GLS: variants seen among roughly 807,000 people sequenced by gnomAD.
GLS encodes the protein glutaminase kidney isoform, mitochondrial.
Under a neutral mutation model 86.7 loss-of-function variants are expected in GLS, and 36 were observed. That is an observed-to-expected ratio of 0.42 (90% CI 0.32 to 0.55). The LOEUF is 0.55. Ranked by LOEUF, GLS falls within the 20% of genes least tolerant of loss-of-function variation. The probability of loss-of-function intolerance (pLI) is 0.17; values close to 1 mark genes in which losing one functional copy is unlikely to be tolerated. For missense variants in GLS, 528 were observed against 833.4 expected, an observed-to-expected ratio of 0.63 and a Z score of 4.51; for synonymous variants, 317 against 305.9, an observed-to-expected ratio of 1.04 and a Z score of -0.38.
chr2:190,892,138 A>G (rs1688584850), intron 1 of GLS, among the ~76,000 whole-genome samples: 1 of 152,184 alleles, frequency 6.6e-6, no homozygotes, highest in Non-Finnish European at 1.5e-5. Flanking sequence ...CATACATGGC[A>G]TGGGATTTTT....
rs780199479 is a variant in GLS, at chr2:190,921,041, T to A, written c.1056T>A (p.Ala352=). The part of the protein sequence containing the change: ...TSLIKQGVNN[A]EKFDYVMQFL... ...TTTTGCAGCAAGGAGTAAATAATGC[T>A]GAAAAATTTGACTATGTAAGTGCAA... Residue 352 remains alanine, a synonymous_variant, in exon 8 of 18, where the codon GCT becomes GCA. Transcript: ENST00000320717. The surrounding 1 kb of genome is among the most constrained non-coding windows in gnomAD (Gnocchi z 4.2). 4 of 1,574,154 alleles carry A rather than the reference T, an allele frequency of 2.5e-6. No homozygotes were observed. The highest frequency in any genetic ancestry group is 3.5e-6 in the Non-Finnish European group (4 of 1,144,732).
In GLS at chr2:190,935,473, A is replaced by AT. The variant is rs1047978548; in HGVS notation, c.1650+3842dup. 1.3e-4 allele frequency among the ~76,000 whole-genome samples: 20 copies of AT among 151,394 alleles called. No individual in the cohort carries two copies. The highest frequency in any genetic ancestry group is 4.8e-4 in the African/African-American group (20 of 41,498). ...GAAATATTCAAAAGGGCTTTATTTG[A>AT]TTTTTTAAAATGCAATATAGCATTA... On this transcript the variant is annotated intron_variant, in intron 14 of 17. Transcript: ENST00000320717. This position sits in a 1 kb window ranked among gnomAD's most constrained non-coding sequence, Gnocchi z 4.2.
Position 190,953,844 on chromosome 2 carries a change from C to T in GLS, c.1712+218C>T, listed in dbSNP as rs918372148. Among the ~76,000 whole-genome samples, 1 of 152,080 alleles carries T rather than the reference C, an allele frequency of 6.6e-6. No homozygotes were observed. The highest frequency in any genetic ancestry group is 1.5e-5 in the Non-Finnish European group (1 of 68,020). ...TAAAAAAGACCATATCTCTGTTTCC[C>T]CAAGTAGTAACTGTTCAGCTAATCT... On this transcript the variant is annotated intron_variant, in intron 15 of 17. Transcript: ENST00000320717. The surrounding 1 kb of genome is among the most constrained non-coding windows in gnomAD (Gnocchi z 4.0).
Position 190,963,115 on chromosome 2 carries a change from T to C in GLS, c.*129T>C. The stretch of plus-strand genomic sequence containing the variant: ...TGTCATTTCAGTGTTACTGGAGTTT[T>C]CTTCATTGTGCACACAGGACAAATC... On this transcript the variant is annotated 3_prime_UTR_variant, in exon 18 of 18. Coordinates refer to ENST00000320717, the MANE Select transcript of GLS (RefSeq NM_014905.5). The C allele has an allele frequency of 1.5e-6, 1 of 668,484 alleles. No individual in the cohort carries two copies. Among genetic ancestry groups the C allele is most frequent in the Non-Finnish European group, 2.5e-6 (1 of 407,744 alleles). 41.4% of individuals were successfully genotyped at this position (668,484 alleles called of 1,614,324 possible).
intron 14 of GLS, chr2:190,932,986 A>C: frequency 8.2e-7 from 1 of 1,219,254 alleles, no homozygotes; most frequent in Admixed American, 4.3e-5. Flanking sequence ...TGCTGGAGCC[A>C]TAAAGCTTTT....
intron 14 of GLS, among the ~76,000 whole-genome samples, chr2:190,941,177 T>A (rs1219737608): frequency 6.6e-6 from 1 of 152,128 alleles, no homozygotes; most frequent in African/African-American, 2.4e-5. Flanking sequence ...ATGATCCAAC[T>A]TGTGTTTGCA....
chr2:190,912,057 A>G (rs1689379376), intron 7 of GLS, among the ~76,000 whole-genome samples: 1 of 152,112 alleles, frequency 6.6e-6, no homozygotes, highest in Non-Finnish European at 1.5e-5. Context: ...TCATTTCATT[A>G]GTTTCACTTG....
rs1004078525 is a variant in GLS at position 190,921,449 on chromosome 2, C to G, written c.1130+246C>G. ...TTTGCTTGTAATACCTGTCTTACCT[C>G]TCTTCTATTTCTGTTCCAGGCTATC... On this transcript the variant is annotated intron_variant, in intron 9 of 17. Transcript: ENST00000320717. The surrounding 1 kb of genome is among the most constrained non-coding windows in gnomAD (Gnocchi z 4.2). 6.6e-6 allele frequency among the ~76,000 whole-genome samples: 1 copy of G among 151,914 alleles called. No homozygotes were observed. Among genetic ancestry groups the G allele is most frequent in the Admixed American group, 6.6e-5 (1 of 15,256 alleles).
In GLS at chr2:190,964,659, G is replaced by T. The variant is rs1691080718; in HGVS notation, c.*1673G>T. 6.6e-6 allele frequency: 1 copy of T among 152,206 alleles called. No homozygotes were observed. The highest frequency in any genetic ancestry group is 1.5e-5 in the Non-Finnish European group (1 of 68,034). 9.4% of individuals were successfully genotyped at this position (152,206 alleles called of 1,614,324 possible). On this transcript the variant is annotated 3_prime_UTR_variant, in exon 18 of 18. Transcript: ENST00000320717. This position sits in a 1 kb window ranked among gnomAD's most constrained non-coding sequence, Gnocchi z 5.2. ...GTTCCCATGCTTGAGCTTCCATGGG[G>T]AGGATGCTGAGTGAGCAGTTTCCTA... is the stretch of plus-strand genomic sequence containing the variant.
intron 14 of GLS, among the ~76,000 whole-genome samples, chr2:190,942,873 T>A (rs1690480221): frequency 6.6e-6 from 1 of 152,216 alleles, no homozygotes; most frequent in East Asian, 1.9e-4. Context: ...TAAGGTAAAC[T>A]TCTGTTACAC....
Position 190,943,614 on chromosome 2 carries a change from A to G in GLS, c.1651-9951A>G, listed in dbSNP as rs530018284. ...CCTTTCTAAATTTTTTTTAGATAGA[A>G]CAATTGCTTTATTTTTTAGTGTCTT... is the stretch of plus-strand genomic sequence containing the variant. On this transcript the variant is annotated intron_variant, in intron 14 of 17. Coordinates refer to ENST00000320717, the MANE Select transcript of GLS (RefSeq NM_014905.5). The surrounding 1 kb of genome is among the most constrained non-coding windows in gnomAD (Gnocchi z 4.5). Among the ~76,000 whole-genome samples the G allele has an allele frequency of 1.3e-5, 2 of 152,288 alleles. No individual in the cohort carries two copies. Among genetic ancestry groups the G allele is most frequent in the East Asian group, 3.9e-4 (2 of 5,184 alleles).
rs114779829 is a variant in GLS, at chr2:190,902,272, A to G, written c.815+246A>G. ...CTTGTTTTTTGAGTATTATTCAAAT[A>G]CCTGCAGTTACCAATTTGTTTCAGA... On this transcript the variant is annotated intron_variant, in intron 5 of 17. Coordinates refer to ENST00000320717, the MANE Select transcript of GLS (RefSeq NM_014905.5). Among the ~76,000 whole-genome samples the G allele has an allele frequency of 3.3e-3, 500 of 152,306 alleles. 6 individuals carry two copies. The highest frequency in any genetic ancestry group is 0.011 in the African/African-American group (473 of 41,570).
Position 190,924,533 on chromosome 2 carries a change from G to GT in GLS, c.1198-3dup, listed in dbSNP as rs751762791. 3.9e-6 allele frequency: 6 copies of GT among 1,537,604 alleles called. No homozygotes were observed. The highest frequency in any genetic ancestry group is 1.1e-5 in the South Asian group (1 of 89,410). ...GCCTGAATTTTTAATTGCCTTTCTG[G>GT]TTTTTTTAGTGTTTTCCAGAAGGCA... On this transcript the variant is annotated splice_polypyrimidine_tract_variant and intron_variant, in intron 10 of 17. Transcript: ENST00000320717. The surrounding 1 kb of genome is among the most constrained non-coding windows in gnomAD (Gnocchi z 5.2).
At chr2:190,915,512 C>T (rs188275848) in intron 7 of GLS, among the ~76,000 whole-genome samples, 1 of 152,172 alleles carries the variant, frequency 6.6e-6, no homozygotes, top group East Asian at 1.9e-4. Flanking sequence ...AATGCTTGTA[C>T]AGTGATCTTC....
rs138814340 is a variant in GLS, at chr2:190,895,050, C to T, written c.387-102C>T. ...GACTGTAGTCTTGAGTATATGAGCT[C>T]AGCTGTAGTCTAGTTTAGTGGTTAT... On this transcript the variant is annotated intron_variant, in intron 1 of 17. Coordinates refer to ENST00000320717, the MANE Select transcript of GLS (RefSeq NM_014905.5). This position sits in a 1 kb window ranked among gnomAD's most constrained non-coding sequence, Gnocchi z 4.2. 2.1e-3 allele frequency: 1,257 copies of T among 590,494 alleles called. 18 individuals carry two copies. Among genetic ancestry groups the T allele is most frequent in the African/African-American group, 0.018 (966 of 54,598 alleles). The allele number at this position is 590,494 out of a possible 1,614,324, so 36.6% of individuals were successfully genotyped here. A position where few individuals can be genotyped will look rare whatever the true frequency, so the allele number is the denominator to read the frequency against.
rs1316025565 is a variant in GLS, at chr2:190,935,295, T to C, written c.1650+3658T>C. On this transcript the variant is annotated intron_variant, in intron 14 of 17. Coordinates refer to ENST00000320717, the MANE Select transcript of GLS (RefSeq NM_014905.5). The surrounding 1 kb of genome is among the most constrained non-coding windows in gnomAD (Gnocchi z 4.2). ...ATAAATTTATTTTAAGCTGATTTTA[T>C]TGTTTTTTTTGTTTTGTTTTGTTTT... The C allele has an allele frequency of 6.2e-6, 3 of 484,960 alleles. No homozygotes were observed. Among genetic ancestry groups the C allele is most frequent in the South Asian group, 9.1e-5 (1 of 10,994 alleles). 30.0% of individuals were successfully genotyped at this position (484,960 alleles called of 1,614,324 possible).
At chr2:190,908,897 A>G (rs527262825) in intron 6 of GLS, among the ~76,000 whole-genome samples, 8 of 152,244 alleles carry the variant, frequency 5.3e-5, no homozygotes, top group Non-Finnish European at 8.8e-5. Flanking sequence ...AGTATTTATC[A>G]TTTGGAAAAT....
Position 190,962,754 on chromosome 2 carries a change from A to G in GLS, c.1854-76A>G. ...ATTTGGCCATTTAACCTGCATTTAA[A>G]ATCTAGGAATGTGGGGTGATCATCT... On this transcript the variant is annotated intron_variant, in intron 17 of 17. Coordinates refer to ENST00000320717, the MANE Select transcript of GLS (RefSeq NM_014905.5). This position sits in a 1 kb window ranked among gnomAD's most constrained non-coding sequence, Gnocchi z 4.2. 7 of 973,060 alleles carry G rather than the reference A, an allele frequency of 7.2e-6. No individual in the cohort carries two copies. The highest frequency in any genetic ancestry group is 9.9e-6 in the Non-Finnish European group (7 of 710,412). The allele number at this position is 973,060 out of a possible 1,614,324, so 60.3% of individuals were successfully genotyped here.
At position 190,938,367 on chromosome 2, in the gene GLS, C is replaced by T. The variant is rs756393552; in HGVS notation, c.1650+6730C>T. On this transcript the variant is annotated intron_variant, in intron 14 of 17. Transcript: ENST00000320717. This position sits in a 1 kb window ranked among gnomAD's most constrained non-coding sequence, Gnocchi z 4.1. Reference sequence around the variant, plus strand: ...TATGTTTATATAATGAAAATCTCCTCTGCACAGCAATTATATTTGGAATCC... The same window carrying T: ...TATGTTTATATAATGAAAATCTCCTTTGCACAGCAATTATATTTGGAATCC... Among the ~76,000 whole-genome samples the T allele has an allele frequency of 6.6e-6, 1 of 151,622 alleles. No homozygotes were observed. Among genetic ancestry groups the T allele is most frequent in the Non-Finnish European group, 1.5e-5 (1 of 67,512 alleles).
Sources: gnomAD v4.1 joint callset for allele counts (sites outside exome capture counted in the v4.1 genomes callset) on GRCh38, gnomAD v4.1.1 for gene constraint, Gnocchi (gnomAD v3.1) non-coding constraint, MANE v1.5 for transcripts, NCBI Gene and HGNC (gene_info 2026-07-23, HGNC 2026-07-21) for gene names.